TYR: variants seen among roughly 807,000 people sequenced by gnomAD.
TYR encodes LB24-AB.
In TYR, 58 loss-of-function variants were observed where a neutral mutation model predicts 51.5. That is an observed-to-expected ratio of 1.13 (90% CI 0.91 to 1.40). The LOEUF is 1.40. TYR is among the 40% of genes most tolerant of loss of function. The pLI, the probability that TYR is intolerant of heterozygous loss-of-function variation, is 0.00. For synonymous variants in TYR, 263 were observed against 235.2 expected (o/e 1.12, Z -1.08); for missense variants, 732 against 647.4 (o/e 1.13, Z -1.42).
intron 2 of TYR, among the ~76,000 whole-genome samples, chr11:89,207,125 G>A (rs1943682712): frequency 6.6e-6 from 1 of 151,560 alleles, no homozygotes; most frequent in Non-Finnish European, 1.5e-5. Flanking sequence ...AATAAAGATA[G>A]GAGCAGAAAG....
chr11:89,255,070 A>G (rs1944374411), intron 3 of TYR, among the ~76,000 whole-genome samples: 1 of 151,782 alleles, frequency 6.6e-6, no homozygotes. Context: ...CATTGTTGAT[A>G]CAATGATCAT....
chr11:89,186,515 G>T (rs1469874198), intron 1 of TYR, among the ~76,000 whole-genome samples: 1 of 152,104 alleles, frequency 6.6e-6, no homozygotes, highest in Non-Finnish European at 1.5e-5. Context: ...GCCACTGGTG[G>T]GAGGAAAGAG....
At chr11:89,253,966 T>C (rs1311564533) in intron 3 of TYR, among the ~76,000 whole-genome samples, 6 of 151,764 alleles carry the variant, frequency 4.0e-5, no homozygotes, top group African/African-American at 1.4e-4. Context: ...GGGCTTGTCA[T>C]AGATAGGCTT....
chr11:89,264,364 A>G (rs1313947214), intron 3 of TYR, among the ~76,000 whole-genome samples: 3 of 151,970 alleles, frequency 2.0e-5, no homozygotes, highest in African/African-American at 7.2e-5. Context: ...CTTGGATTAG[A>G]TGACAGTATT....
rs144458836 is a variant in TYR at position 89,198,754 on chromosome 11, C to CATATATATATATATATATAT, written c.1036+7352_1036+7353insATATATATATATATATATAT. Among the ~76,000 whole-genome samples, 15 of 146,392 alleles carry CATATATATATATATATATAT rather than the reference C, an allele frequency of 1.0e-4. 1 individual carries two copies. Among genetic ancestry groups the CATATATATATATATATATAT allele is most frequent in the African/African-American group, 3.7e-4 (14 of 37,812 alleles). On this transcript the variant is annotated intron_variant, in intron 2 of 4. Coordinates refer to ENST00000263321, the MANE Select transcript of TYR (RefSeq NM_000372.5). ...TTTACTCAAAAGGTAACTTTTTTCT[C>CATATATATATATATATATAT]ATATATATATATATATTTTTATACT...
chr11:89,262,871 AACAAC>A (rs1944477927), intron 3 of TYR, among the ~76,000 whole-genome samples: 1 of 129,016 alleles, frequency 7.8e-6, no homozygotes, highest in African/African-American at 3.3e-5. Context: ...AAAAAAAAAA[AACAAC>A]AACAACAACA....
chr11:89,200,344 TG>T (rs1223224078), intron 2 of TYR: 1 of 152,202 alleles, frequency 6.6e-6, no homozygotes, highest in Non-Finnish European at 1.5e-5. Flanking sequence ...CCCAAAATGC[TG>T]GGATTACAGG....
intron 4 of TYR, among the ~76,000 whole-genome samples, chr11:89,289,308 C>G (rs1359343207): frequency 6.6e-6 from 1 of 152,034 alleles, no homozygotes; most frequent in African/African-American, 2.4e-5. Context: ...TTTGATGACA[C>G]TTCTATCATT....
At chr11:89,189,361 C>T (rs1421004127) in intron 1 of TYR, among the ~76,000 whole-genome samples, 1 of 151,408 alleles carries the variant, frequency 6.6e-6, no homozygotes, top group African/African-American at 2.4e-5. Flanking sequence ...GGTATTTCTA[C>T]AATGAAAATC....
chr11:89,266,452 C>A (rs1041519108), intron 3 of TYR, among the ~76,000 whole-genome samples: 3 of 151,872 alleles, frequency 2.0e-5, no homozygotes, highest in African/African-American at 7.2e-5. Flanking sequence ...TCTGATTTTT[C>A]TTACATTTAG....
chr11:89,294,189 C>G, intron 4 of TYR: 1 of 153,316 alleles, frequency 6.5e-6, no homozygotes. Flanking sequence ...AGTAGTTTTT[C>G]CACAAATGCT....
At chr11:89,181,442 G>A (rs1943297763) in intron 1 of TYR, among the ~76,000 whole-genome samples, 1 of 152,146 alleles carries the variant, frequency 6.6e-6, no homozygotes, top group Non-Finnish European at 1.5e-5. Context: ...CGCATGTTCT[G>A]TAATAAACAC....
chr11:89,189,336 T>A (rs11823675), intron 1 of TYR, among the ~76,000 whole-genome samples: 7,939 of 152,084 alleles, frequency 0.052, 706 homozygotes, highest in African/African-American at 0.18. Context: ...GGTGAGAAAT[T>A]CTTATTTTTA....
intron 4 of TYR, among the ~76,000 whole-genome samples, chr11:89,292,059 C>T (rs1944858028): frequency 6.6e-6 from 1 of 151,874 alleles, no homozygotes; most frequent in South Asian, 2.1e-4. Flanking sequence ...CATTTTAAAG[C>T]ACCCATCACT....
intron 2 of TYR, among the ~76,000 whole-genome samples, chr11:89,221,507 A>T (rs957261923): frequency 2.0e-5 from 3 of 152,202 alleles, no homozygotes; most frequent in African/African-American, 7.2e-5. Flanking sequence ...ACTTGCTTAG[A>T]TCCAAAAATG....
chr11:89,222,745 A>T (rs1441332561), intron 2 of TYR, among the ~76,000 whole-genome samples: 2 of 152,220 alleles, frequency 1.3e-5, no homozygotes, highest in South Asian at 2.1e-4. Flanking sequence ...TCTTAAAAAA[A>T]AAAAATTCTA....
At chr11:89,204,131 T>C (rs78855291) in intron 2 of TYR, among the ~76,000 whole-genome samples, 2,112 of 152,246 alleles carry the variant, frequency 0.014, 46 homozygotes, top group African/African-American at 0.049. Flanking sequence ...CCCTTCTGGA[T>C]TGTTGTCAGA....
chr11:89,188,723 A>G (rs1462700812), intron 1 of TYR, among the ~76,000 whole-genome samples: 1 of 151,100 alleles, frequency 6.6e-6, no homozygotes, highest in Middle Eastern at 3.5e-3. Flanking sequence ...TGTAGATTTC[A>G]TTAAGATAAT....
chr11:89,190,804 A>T (rs1255703591), intron 1 of TYR, among the ~76,000 whole-genome samples: 5 of 152,204 alleles, frequency 3.3e-5, no homozygotes, highest in Admixed American at 2.6e-4. Context: ...TTAAAAAAAA[A>T]TTTTATACTG....
Sources: gnomAD v4.1 joint callset for allele counts (sites outside exome capture counted in the v4.1 genomes callset) on GRCh38, gnomAD v4.1.1 for gene constraint, MANE v1.5 for transcripts, NCBI Gene and HGNC (gene_info 2026-07-23, HGNC 2026-07-21) for gene names.